The following ENTPD5 variants were observed in gnomAD, a reference collection of about 807,000 sequenced individuals.
ENTPD5 encodes ectonucleoside triphosphate diphosphohydrolase 5 (inactive).
In ENTPD5, 49 loss-of-function variants were observed where a neutral mutation model predicts 60.2. That is an observed-to-expected ratio of 0.81 (90% CI 0.65 to 1.03). The LOEUF (loss-of-function observed/expected upper bound fraction) is 1.03, where lower values mean the gene tolerates loss of function less well. Among genes scored for constraint, ENTPD5 ranks in the 50% least tolerant of loss-of-function variants. ENTPD5 has a pLI of 0.00. For missense variants in ENTPD5, 480 were observed against 507.6 expected, an observed-to-expected ratio of 0.95 and a Z score of 0.52; for synonymous variants, 187 against 185.4, an observed-to-expected ratio of 1.01 and a Z score of -0.07.
At chr14:74,011,342 C>T (rs931973632) in intron 2 of ENTPD5, among the ~76,000 whole-genome samples, 192 bp from the exon 3 acceptor site, 5 of 152,156 alleles carry the variant, frequency 3.3e-5, no homozygotes, top group African/African-American at 9.7e-5. Context: ...CTCCCCTACA[C>T]TTTCTTCTCA....
chr14:74,007,650 G>A (rs961290383), intron 3 of ENTPD5: 1 of 151,350 alleles, frequency 6.6e-6, no homozygotes, highest in African/African-American at 2.4e-5. Flanking sequence ...CTAATAAAAA[G>A]GTTTATTTAA....
At chr14:74,007,415 GGA>G (rs1283069739) in intron 3 of ENTPD5, among the ~76,000 whole-genome samples, 2 of 152,042 alleles carry the variant, frequency 1.3e-5, no homozygotes, top group African/African-American at 4.8e-5. Flanking sequence ...CAGCTACTCA[GGA>G]GGCCGTGGCA....
downstream of ENTPD5, chr14:73,960,985 C>A: frequency 1.4e-6 from 1 of 730,028 alleles, no homozygotes; most frequent in Non-Finnish European, 2.3e-6. Flanking sequence ...TTGGCTAGAT[C>A]TTAAAACCTC....
chr14:74,014,749 T>G (rs2058963098), intron 2 of ENTPD5, among the ~76,000 whole-genome samples: 1 of 152,124 alleles, frequency 6.6e-6, no homozygotes, highest in Admixed American at 6.5e-5. Flanking sequence ...TTAGTAGAAT[T>G]CTATATTTGC....
intron 1 of ENTPD5, among the ~76,000 whole-genome samples, chr14:74,018,305 T>G (rs1184881733): frequency 6.6e-6 from 1 of 151,274 alleles, no homozygotes; most frequent in Non-Finnish European, 1.5e-5. Context: ...TAATTAGAGG[T>G]CAAAGACATC....
intron 13 of ENTPD5, 149 bp downstream of exon 13, chr14:73,972,735 C>CT (rs2140491519): frequency 1.1e-6 from 1 of 907,528 alleles, no homozygotes; most frequent in South Asian, 1.8e-5. Flanking sequence ...CCAAAAGACT[C>CT]TAAGTCATTT....
At chr14:73,983,200 A>G in intron 5 of ENTPD5, 39 bp from the exon 6 acceptor site, 1 of 1,585,410 alleles carries the variant, frequency 6.3e-7, no homozygotes, top group Admixed American at 1.8e-5. Context: ...TGAACGATCC[A>G]TTTAGTGGCT....
At chr14:74,000,973 G>C (rs1363282139) in intron 3 of ENTPD5, among the ~76,000 whole-genome samples, 1 of 151,854 alleles carries the variant, frequency 6.6e-6, no homozygotes, top group Non-Finnish European at 1.5e-5. Flanking sequence ...ATAGTCCCAG[G>C]TACTCAGGAG....
rs2056872400 is a variant in ENTPD5 at position 73,964,010 on chromosome 14, AAG to A, written c.*2916_*2917del. ...ACAACCTTGCTGGAATCTCAGGAAAAAGAATTAAAGATGGCAGCTGCTGTGAA... is the reference window on the plus strand; with the variant it reads ...ACAACCTTGCTGGAATCTCAGGAAAAAATTAAAGATGGCAGCTGCTGTGAA... On this transcript the variant is annotated 3_prime_UTR_variant, in exon 16 of 16. Coordinates refer to ENST00000334696, the MANE Select transcript of ENTPD5 (RefSeq NM_001249.5). The A allele has an allele frequency of 6.6e-6, 1 of 152,332 alleles. No individual in the cohort carries two copies. Among genetic ancestry groups the A allele is most frequent in the Admixed American group, 6.5e-5 (1 of 15,298 alleles). The allele number at this position is 152,332 out of a possible 1,614,324, so 9.4% of individuals were successfully genotyped here.
downstream of ENTPD5, chr14:73,959,792 A>T: frequency 8.0e-7 from 1 of 1,247,804 alleles, no homozygotes; most frequent in Non-Finnish European, 1.0e-6. Flanking sequence ...CTGGTCTCAA[A>T]CTCCTGACCT....
chr14:73,980,961 T>G (rs1436873584), intron 6 of ENTPD5, among the ~76,000 whole-genome samples: 1 of 150,242 alleles, frequency 6.7e-6, no homozygotes, highest in African/African-American at 2.5e-5. Context: ...TAGCTGGGAG[T>G]GGTGGCGCAC....
At chr14:73,996,496 T>C (rs2058346562) in intron 3 of ENTPD5, 1 of 146,726 alleles carries the variant, frequency 6.8e-6, no homozygotes, top group Non-Finnish European at 1.5e-5. Context: ...GAACATAACT[T>C]GGTCTCTTAA....
At chr14:73,979,976 C>T (rs1594873924) in intron 6 of ENTPD5, among the ~76,000 whole-genome samples, 3 of 118,160 alleles carry the variant, frequency 2.5e-5, no homozygotes, top group Non-Finnish European at 5.1e-5. Flanking sequence ...GACAGAGTTT[C>T]ACTCTTGTCA....
downstream of ENTPD5, chr14:73,958,672 G>A: frequency 5.3e-6 from 7 of 1,324,936 alleles, no homozygotes; most frequent in Non-Finnish European, 5.8e-6. Flanking sequence ...TTCAGCTCCA[G>A]TGTGTGCCCC....
chr14:73,958,923 A>G, downstream of ENTPD5: 1 of 1,610,480 alleles, frequency 6.2e-7, no homozygotes, highest in Non-Finnish European at 8.5e-7. Flanking sequence ...CTTCTGAAGC[A>G]GTTTATGAAG....
chr14:73,970,443 G>T, intron 14 of ENTPD5, among the ~76,000 whole-genome samples: 1 of 150,204 alleles, frequency 6.7e-6, no homozygotes, highest in East Asian at 2.0e-4. Flanking sequence ...AGTGAGCCGA[G>T]ATCTCACCAC....
At position 73,983,162 on chromosome 14, in the gene ENTPD5, C is replaced by G; in HGVS notation, c.298-1G>C. 1 of 1,609,390 alleles carries G rather than the reference C, an allele frequency of 6.2e-7. No individual in the cohort carries two copies. The highest frequency in any genetic ancestry group is 1.1e-5 in the South Asian group (1 of 90,556). On this transcript the variant is annotated splice_acceptor_variant, in intron 5 of 15. Transcript: ENST00000334696. LOFTEE classifies it high-confidence loss of function. ...AGAGCCCTTGAACGGTCTCAGCACC[C>G]TTCAAAAGAGATAACCCGTTCATCT...
At chr14:74,005,018 ACTT>A (rs957489981) in intron 3 of ENTPD5, among the ~76,000 whole-genome samples, 1 of 152,118 alleles carries the variant, frequency 6.6e-6, no homozygotes, top group East Asian at 1.9e-4. Flanking sequence ...CATCTTACAT[ACTT>A]CTTATTTTAG....
chr14:74,016,195 T>C (rs2059013071), intron 1 of ENTPD5, among the ~76,000 whole-genome samples: 1 of 152,166 alleles, frequency 6.6e-6, no homozygotes, highest in African/African-American at 2.4e-5. Context: ...AGTTCTTTGG[T>C]AGAAAATGAG....
Sources: gnomAD v4.1 joint callset for allele counts (sites outside exome capture counted in the v4.1 genomes callset) on GRCh38, gnomAD v4.1.1 for gene constraint, MANE v1.5 for transcripts, NCBI Gene and HGNC (gene_info 2026-07-23, HGNC 2026-07-21) for gene names.